CCM2L: variants seen among roughly 807,000 people sequenced by gnomAD.
CCM2L encodes the protein CCM2 like scaffold protein.
CCM2L carries 36 observed loss-of-function variants against 54.1 expected under a neutral mutation model. That is an observed-to-expected ratio of 0.67 (90% confidence interval 0.51 to 0.88). The LOEUF is 0.88. Among genes scored for constraint, CCM2L ranks in the 40% least tolerant of loss-of-function variants. The pLI is 0.00. For synonymous variants in CCM2L, 351 were observed against 359.3 expected (o/e 0.98, Z 0.26); for missense variants, 700 against 812.1 (o/e 0.86, Z 1.68).
chr20:32,018,155 C>G lies in CCM2L; in HGVS notation c.459C>G (p.Leu153=). Reference sequence around the variant, plus strand: ...ACGACGCGCTGCACCTGCTAGTGCTCAAGACCGGTGCGGCGGGAGGGGGCG... The same window carrying G: ...ACGACGCGCTGCACCTGCTAGTGCTGAAGACCGGTGCGGCGGGAGGGGGCG... ...LQDDALHLLV[L]KTGLGVDPVP... The change falls in exon 4 of 10, where the codon CTC becomes CTG. Residue 153 remains leucine (L), a synonymous_variant. Transcript: ENST00000452892. The G allele has an allele frequency of 6.6e-7, 1 of 1,524,122 alleles. No homozygotes were observed. Among genetic ancestry groups the G allele is most frequent in the South Asian group, 1.2e-5 (1 of 83,050 alleles). 94.4% of individuals were successfully genotyped at this position (1,524,122 alleles called of 1,614,324 possible).
intron 6 of CCM2L, among the ~76,000 whole-genome samples, chr20:32,023,037 G>C (rs111988064): frequency 6.6e-6 from 1 of 151,924 alleles, no homozygotes; most frequent in Non-Finnish European, 1.5e-5. Context: ...ATGCCATCTC[G>C]GCTCACTGCA....
intron 6 of CCM2L, 82 bp downstream of exon 6, chr20:32,022,877 C>A: frequency 6.6e-7 from 1 of 1,508,436 alleles, no homozygotes; most frequent in Non-Finnish European, 9.0e-7. Flanking sequence ...AGGACTTGGG[C>A]TGATGAAGGT....
chr20:32,025,516 C>T (rs1200394774), intron 6 of CCM2L, among the ~76,000 whole-genome samples: 1 of 152,222 alleles, frequency 6.6e-6, no homozygotes, highest in Non-Finnish European at 1.5e-5. Context: ...GTCCTCCTGC[C>T]TTGGCCTCCC....
At chr20:32,011,087 T>A (rs889318228) in intron 1 of CCM2L, among the ~76,000 whole-genome samples, 2 of 152,090 alleles carry the variant, frequency 1.3e-5, no homozygotes, top group Admixed American at 6.6e-5. Context: ...TGATTTTAAC[T>A]TCCATCTTAC....
intron 2 of CCM2L, among the ~76,000 whole-genome samples, chr20:32,015,428 G>A (rs1001827251): frequency 2.0e-5 from 3 of 152,206 alleles, no homozygotes; most frequent in African/African-American, 4.8e-5. Flanking sequence ...GGGAATATGC[G>A]TGCCATAGTA....
chr20:32,031,236 C>CGAT lies in CCM2L; in HGVS notation c.1641_1643dup (p.Asp552dup), dbSNP rs751832452. The CGAT allele has an allele frequency of 3.5e-5, 46 of 1,298,202 alleles. No individual in the cohort carries two copies. The highest frequency in any genetic ancestry group is 2.1e-4 in the South Asian group (17 of 80,840). 80.4% of individuals were successfully genotyped at this position (1,298,202 alleles called of 1,614,324 possible). The stretch of plus-strand genomic sequence containing the variant: ...CGCACGACATCGAGGCGCTGGCCCC[C>CGAT]GATGACGACGACGACGACGAGGATG... On this transcript the variant is annotated inframe_insertion, in exon 10 of 10. Transcript: ENST00000452892.
chr20:32,023,334 C>A (rs2064824539), intron 6 of CCM2L, among the ~76,000 whole-genome samples: 1 of 152,216 alleles, frequency 6.6e-6, no homozygotes, highest in African/African-American at 2.4e-5. Flanking sequence ...AAATTCAGAA[C>A]AAGCCCCCTA....
rs760947640 is a variant in CCM2L at position 32,017,964 on chromosome 20, T to G, written c.283-15T>G. The G allele has an allele frequency of 5.6e-6, 9 of 1,613,242 alleles. No homozygotes were observed. The Middle Eastern group carries it at 4.9e-4, about 88-fold the overall frequency. ...CTGCGGACCTCGGGAACTCGAGATC[T>G]GCCCCTCCCTGCAGCAGCTGAAGGA... On this transcript the variant is annotated splice_polypyrimidine_tract_variant and intron_variant, in intron 3 of 9. Transcript: ENST00000452892.
chr20:32,021,655 A>C (rs76249284), intron 5 of CCM2L, among the ~76,000 whole-genome samples: 5 of 152,162 alleles, frequency 3.3e-5, no homozygotes, highest in African/African-American at 1.2e-4. Context: ...AAAAAAAAAA[A>C]GTTGCTTTCC....
At chr20:32,018,576 G>T (rs1411958530) in intron 4 of CCM2L, among the ~76,000 whole-genome samples, 1 of 151,820 alleles carries the variant, frequency 6.6e-6, no homozygotes, top group East Asian at 1.9e-4. Context: ...CGGGAAGTCA[G>T]AATCCAAGGG....
chr20:32,020,658 T>TCA (rs2064796691), intron 5 of CCM2L, among the ~76,000 whole-genome samples: 1 of 152,170 alleles, frequency 6.6e-6, no homozygotes, highest in Admixed American at 6.6e-5. Context: ...TCTCTCTTTC[T>TCA]CACACACACC....
intron 5 of CCM2L, among the ~76,000 whole-genome samples, chr20:32,020,721 C>G (rs1468594305): frequency 6.6e-6 from 1 of 152,198 alleles, no homozygotes; most frequent in Non-Finnish European, 1.5e-5. Context: ...AAAACATAAC[C>G]AAGCCTGTAA....
At chr20:32,015,815 A>T (rs910034373) in intron 2 of CCM2L, among the ~76,000 whole-genome samples, 1 of 151,924 alleles carries the variant, frequency 6.6e-6, no homozygotes, top group Non-Finnish European at 1.5e-5. Context: ...CGTCCAGATT[A>T]ACAGCAAAAC....
At chr20:32,026,667 G>C (rs967617053) in intron 7 of CCM2L, among the ~76,000 whole-genome samples, 1 of 151,956 alleles carries the variant, frequency 6.6e-6, no homozygotes, top group African/African-American at 2.4e-5. Context: ...CTTGAGCCTG[G>C]GAGTTCCAAA....
At position 32,018,980 on chromosome 20, in the gene CCM2L, C is replaced by T. The variant is rs1045776327; in HGVS notation, c.504C>T (p.Ala168=). The part of the protein sequence containing the change: ...GVDPVPAGVD[A]SPGGAGRDPG... ...ACCCGGTGCCGGCCGGCGTGGATGC[C>T]AGCCCAGGCGGCGCAGGACGCGACC... is the stretch of plus-strand genomic sequence containing the variant. Residue 168 remains alanine, a synonymous_variant, in exon 5 of 10, where the codon GCC becomes GCT. Transcript: ENST00000452892. 5.7e-6 allele frequency: 8 copies of T among 1,402,408 alleles called. No individual in the cohort carries two copies. The African/African-American group carries it at 6.0e-5, about 11-fold the overall frequency. 86.9% of individuals were successfully genotyped at this position (1,402,408 alleles called of 1,614,324 possible). A position where few individuals can be genotyped will look rare whatever the true frequency, so the allele number is the denominator to read the frequency against.
At position 32,018,174 on chromosome 20, in the gene CCM2L, GGGGGCGGGGGCGGGGGAGGGGC is replaced by G; in HGVS notation, c.466+17_466+38del. On this transcript the variant is annotated intron_variant, in intron 4 of 9. Transcript: ENST00000452892. ...AGTGCTCAAGACCGGTGCGGCGGGA[GGGGGCGGGGGCGGGGGAGGGGC>G]GGGGGCGGGGGCGGGGGAGGGGCGG... The G allele has an allele frequency of 6.0e-6, 6 of 997,488 alleles. No individual in the cohort carries two copies. The highest frequency in any genetic ancestry group is 5.2e-5 in the Admixed American group (1 of 19,190). The allele number at this position is 997,488 out of a possible 1,614,324, so 61.8% of individuals were successfully genotyped here.
chr20:32,026,010 C>T lies in CCM2L; in HGVS notation c.1133+91C>T. ...AGAGGGTAGGAGAAGGTGACCCAACCTTGATGTGTGCTGAGACACTGGGCA... is the reference window on the plus strand; with the variant it reads ...AGAGGGTAGGAGAAGGTGACCCAACTTTGATGTGTGCTGAGACACTGGGCA... On this transcript the variant is annotated intron_variant, in intron 7 of 9. Coordinates refer to ENST00000452892, the MANE Select transcript of CCM2L (RefSeq NM_001365692.1). 3.1e-6 allele frequency: 3 copies of T among 971,748 alleles called. No individual in the cohort carries two copies. The South Asian group carries it at 4.1e-5, about 13-fold the overall frequency. 60.2% of individuals were successfully genotyped at this position (971,748 alleles called of 1,614,324 possible).
intron 3 of CCM2L, 22 bp downstream of exon 3, chr20:32,017,905 AG>A: frequency 6.2e-7 from 1 of 1,613,226 alleles, no homozygotes; most frequent in Non-Finnish European, 8.5e-7. Flanking sequence ...GGGAGGGAGG[AG>A]GGCAGGATCT....
rs2064681873 is a variant in CCM2L at position 32,010,441 on chromosome 20, G to A, written c.-14G>A. The A allele has an allele frequency of 6.4e-7, 1 of 1,550,998 alleles. No individual in the cohort carries two copies. Among genetic ancestry groups the A allele is most frequent in the Non-Finnish European group, 8.7e-7 (1 of 1,146,790 alleles). On this transcript the variant is annotated 5_prime_UTR_variant, in exon 1 of 10. Coordinates refer to ENST00000452892, the MANE Select transcript of CCM2L (RefSeq NM_001365692.1). ...TGGCCAGGAGGGTGGCAGGAGTAGA[G>A]GGGACATTTCACCATGGAATATGAA...
Sources: gnomAD v4.1 joint callset for allele counts (sites outside exome capture counted in the v4.1 genomes callset) on GRCh38, gnomAD v4.1.1 for gene constraint, MANE v1.5 for transcripts, NCBI Gene and HGNC (gene_info 2026-07-23, HGNC 2026-07-21) for gene names.